The following CCDC141 variants were observed in gnomAD, a reference collection of about 807,000 sequenced individuals.
CCDC141 encodes coiled-coil domain-containing protein 141.
CCDC141 carries 168 observed loss-of-function variants against 181.0 expected under a neutral mutation model. The observed-to-expected ratio is 0.93, with a 90% CI of 0.82 to 1.05. The LOEUF (loss-of-function observed/expected upper bound fraction) is 1.05, where lower values mean the gene tolerates loss of function less well. Ranked by LOEUF, CCDC141 falls within the 50% of genes least tolerant of loss-of-function variation. The pLI, the probability that CCDC141 is intolerant of heterozygous loss-of-function variation, is 0.00. For synonymous variants in CCDC141, 666 were observed against 642.3 expected, an observed-to-expected ratio of 1.04 and a Z score of -0.56; for missense variants, 1,902 against 1,788.5, an observed-to-expected ratio of 1.06 and a Z score of -1.14.
intron 5 of CCDC141, among the ~76,000 whole-genome samples, chr2:178,949,690 T>C (rs1689872322): frequency 6.6e-6 from 1 of 152,084 alleles, no homozygotes; most frequent in South Asian, 2.1e-4. Context: ...GAGAGGAGAA[T>C]GGATGTGTGG....
At chr2:178,976,436 AT>A (rs1559020428) in intron 3 of CCDC141, among the ~76,000 whole-genome samples, 2 of 152,220 alleles carry the variant, frequency 1.3e-5, no homozygotes, top group South Asian at 4.1e-4. Flanking sequence ...ATGAAATCCA[AT>A]TATAAGTGAA....
chr2:178,944,405 A>T (rs576112745), intron 6 of CCDC141, 130 bp downstream of exon 6: 1 of 454,308 alleles, frequency 2.2e-6, no homozygotes, highest in Admixed American at 3.9e-5. Flanking sequence ...TTATTGGGAT[A>T]TTTTTTTACA....
At chr2:178,848,679 G>A (rs957565237) in intron 21 of CCDC141, among the ~76,000 whole-genome samples, 8 of 152,108 alleles carry the variant, frequency 5.3e-5, no homozygotes, top group African/African-American at 1.9e-4. Context: ...GTAAACGGGA[G>A]GAATATTGTA....
chr2:179,034,223 C>T (rs111619413), intron 2 of CCDC141, among the ~76,000 whole-genome samples: 522 of 152,236 alleles, frequency 3.4e-3, no homozygotes, highest in South Asian at 0.016. Flanking sequence ...GGCCATTATC[C>T]TTAGCAAACT....
In CCDC141 at chr2:178,845,780, A is replaced by G. The variant is rs547627529; in HGVS notation, c.3358-38T>C. On this transcript the variant is annotated intron_variant, in intron 21 of 23. Coordinates refer to ENST00000443758, the MANE Select transcript of CCDC141 (RefSeq NM_173648.4). ...ACAGTTAGTGAGAGCATGAGCCAGG[A>G]AAGTTGGAGAACAGTGCCATACACT... The G allele has an allele frequency of 1.8e-5, 22 of 1,257,052 alleles. No individual in the cohort carries two copies. In the East Asian group the frequency reaches 4.6e-4, roughly 27 times the overall value. The allele number at this position is 1,257,052 out of a possible 1,614,324, so 77.9% of individuals were successfully genotyped here.
chr2:178,851,301 G>C (rs1012508715), intron 20 of CCDC141, among the ~76,000 whole-genome samples: 2 of 151,956 alleles, frequency 1.3e-5, no homozygotes, highest in African/African-American at 4.8e-5. Flanking sequence ...CTACACCCTA[G>C]GCCAAGATTG....
intron 2 of CCDC141, among the ~76,000 whole-genome samples, chr2:178,981,897 G>C (rs1691429989): frequency 6.6e-6 from 1 of 150,926 alleles, no homozygotes; most frequent in Non-Finnish European, 1.5e-5. Context: ...TCCCTAGTCA[G>C]GCTAATCAAG....
intron 4 of CCDC141, among the ~76,000 whole-genome samples, chr2:178,972,468 T>G (rs1690936468): frequency 6.6e-6 from 1 of 152,142 alleles, no homozygotes; most frequent in African/African-American, 2.4e-5. Context: ...GGTGATGTAC[T>G]GAAGTACCCA....
chr2:178,994,512 C>T (rs1179102383), intron 2 of CCDC141, among the ~76,000 whole-genome samples: 1 of 152,176 alleles, frequency 6.6e-6, no homozygotes, highest in Non-Finnish European at 1.5e-5. Context: ...ACCACTTTTT[C>T]CTCCTAGGCC....
At chr2:178,973,530 A>T (rs1690990704) in intron 4 of CCDC141, among the ~76,000 whole-genome samples, 1 of 152,200 alleles carries the variant, frequency 6.6e-6, no homozygotes, top group African/African-American at 2.4e-5. Context: ...CAAACAAAGC[A>T]GCATGTGCCC....
At chr2:179,009,828 G>A (rs1217775563) in intron 2 of CCDC141, among the ~76,000 whole-genome samples, 1 of 152,106 alleles carries the variant, frequency 6.6e-6, no homozygotes, top group East Asian at 1.9e-4. Flanking sequence ...AAAGAATTCA[G>A]GAGGTTACTT....
chr2:179,009,879 A>G (rs1222575640), intron 2 of CCDC141, among the ~76,000 whole-genome samples: 3 of 152,208 alleles, frequency 2.0e-5, no homozygotes, highest in African/African-American at 7.2e-5. Context: ...GGTGAAGCCC[A>G]ATGCAAGGAA....
chr2:178,881,416 C>T (rs1228999152), intron 11 of CCDC141, among the ~76,000 whole-genome samples: 1 of 151,972 alleles, frequency 6.6e-6, no homozygotes, highest in Non-Finnish European at 1.5e-5. Flanking sequence ...TAAATTTTAC[C>T]TTAGTAAATC....
At chr2:178,862,137 G>C (rs928752690) in intron 17 of CCDC141, among the ~76,000 whole-genome samples, 2 of 152,000 alleles carry the variant, frequency 1.3e-5, no homozygotes, top group African/African-American at 4.8e-5. Context: ...TGATTTATTC[G>C]AATTGAAAAA....
chr2:178,996,420 A>G (rs1401427166), intron 2 of CCDC141, among the ~76,000 whole-genome samples: 1 of 152,136 alleles, frequency 6.6e-6, no homozygotes, highest in Non-Finnish European at 1.5e-5. Flanking sequence ...GAAGAATAAG[A>G]AATAACAGAC....
the CCDC141 span, among the ~76,000 whole-genome samples, chr2:178,820,455 CATATT>C: frequency 6.6e-6 from 1 of 152,128 alleles, no homozygotes; most frequent in East Asian, 1.9e-4. Context: ...TTTTATTAAA[CATATT>C]ATATCTTCCC....
At chr2:178,836,170 A>AAAG (rs1480556823) in intron 23 of CCDC141, 20 of 152,502 alleles carry the variant, frequency 1.3e-4, no homozygotes, top group Admixed American at 1.2e-3. Flanking sequence ...ACATATTGAG[A>AAAG]AAGAACTGCT....
chr2:178,876,536 A>G (rs1326119896), intron 12 of CCDC141: 3 of 152,208 alleles, frequency 2.0e-5, no homozygotes. Context: ...AGTTTATTTG[A>G]GAAAGTCTCC....
intron 5 of CCDC141, among the ~76,000 whole-genome samples, chr2:178,945,527 G>T (rs1689692324): frequency 6.6e-6 from 1 of 152,112 alleles, no homozygotes. Flanking sequence ...GACAGAATTT[G>T]TCCTCCAGTC....
Sources: allele counts gnomAD v4.1 joint callset (sites outside exome capture counted in the v4.1 genomes callset), GRCh38; gene constraint gnomAD v4.1.1; transcripts MANE v1.5; gene names NCBI Gene and HGNC (gene_info 2026-07-23, HGNC 2026-07-21).